GPC6: variants seen among roughly 807,000 people sequenced by gnomAD.
GPC6 encodes glypican-6.
In GPC6, 14 loss-of-function variants were observed where a neutral mutation model predicts 55.2. The observed-to-expected ratio is 0.25, with a 90% CI of 0.17 to 0.40. The LOEUF (loss-of-function observed/expected upper bound fraction) is 0.40, where lower values mean the gene tolerates loss of function less well. Among genes scored for constraint, GPC6 ranks in the 10% least tolerant of loss-of-function variants. The pLI is 1.00. For missense variants in GPC6, 641 were observed against 708.5 expected, an observed-to-expected ratio of 0.90 and a Z score of 1.08; for synonymous variants, 278 against 259.6, an observed-to-expected ratio of 1.07 and a Z score of -0.68.
chr13:94,235,846 A>G (rs1890862151), intron 4 of GPC6, among the ~76,000 whole-genome samples: 1 of 152,186 alleles, frequency 6.6e-6, no homozygotes, highest in Non-Finnish European at 1.5e-5. Flanking sequence ...TGAGATGTTA[A>G]TAAGATCAGA....
In GPC6 at chr13:93,290,185, C is replaced by T. The variant is rs187593483; in HGVS notation, c.160+62569C>T. Among the ~76,000 whole-genome samples, 21 of 152,134 alleles carry T rather than the reference C, an allele frequency of 1.4e-4. No homozygotes were observed. The East Asian group carries it at 3.9e-3, about 28-fold the overall frequency. On this transcript the variant is annotated intron_variant, in intron 1 of 8. Transcript: ENST00000377047. ...ATTTGTCAGGTCATCTAGATGCTTG[C>T]CCCAATAAAGAATGTTTGCCTGTGA...
chr13:94,325,899 CT>C (rs1314230455), intron 6 of GPC6, among the ~76,000 whole-genome samples: 4 of 152,172 alleles, frequency 2.6e-5, no homozygotes, highest in Non-Finnish European at 5.9e-5. Context: ...CTTAGAAGCT[CT>C]GACCATGACC....
intron 3 of GPC6, among the ~76,000 whole-genome samples, chr13:93,977,740 A>G (rs1348360044): frequency 4.6e-5 from 7 of 152,106 alleles, no homozygotes; most frequent in Non-Finnish European, 1.0e-4. Context: ...CAGCATTGGT[A>G]CATATCTTTG....
At chr13:94,298,562 G>T (rs1381527880) in intron 5 of GPC6, among the ~76,000 whole-genome samples, 2 of 152,150 alleles carry the variant, frequency 1.3e-5, no homozygotes, top group African/African-American at 4.8e-5. Context: ...AGCACCCACG[G>T]CTCTGATAGC....
chr13:93,455,470 C>A (rs1009327256), intron 1 of GPC6, among the ~76,000 whole-genome samples: 2 of 151,898 alleles, frequency 1.3e-5, no homozygotes, highest in Admixed American at 1.3e-4. Context: ...GCAGTTTTTC[C>A]ATGTCACCTG....
intron 1 of GPC6, among the ~76,000 whole-genome samples, chr13:93,298,774 C>T (rs1010566226): frequency 1.3e-5 from 2 of 152,114 alleles, no homozygotes; most frequent in East Asian, 3.9e-4. Flanking sequence ...TCAAACCATC[C>T]CCTGCGTACT....
At chr13:93,674,602 C>T (rs375789604) in intron 2 of GPC6, among the ~76,000 whole-genome samples, 8 of 152,208 alleles carry the variant, frequency 5.3e-5, no homozygotes, top group East Asian at 1.9e-4. Context: ...TTTTCATTTC[C>T]GACTGTCAGC....
chr13:94,045,745 C>CA (rs541767325), intron 4 of GPC6, among the ~76,000 whole-genome samples: 21,831 of 116,022 alleles, frequency 0.19, 1,869 homozygotes, highest in South Asian at 0.3. Flanking sequence ...CATGGATTTT[C>CA]AAAAAAAAAA....
At position 93,574,128 on chromosome 13, in the gene GPC6, G is replaced by A. The variant is rs1040157613; in HGVS notation, c.319+28707G>A. Among the ~76,000 whole-genome samples, 5 of 152,082 alleles carry A rather than the reference G, an allele frequency of 3.3e-5. 1 individual carries two copies. The highest frequency in any genetic ancestry group is 2.1e-4 in the South Asian group (1 of 4,826). On this transcript the variant is annotated intron_variant, in intron 2 of 8. Coordinates refer to ENST00000377047, the MANE Select transcript of GPC6 (RefSeq NM_005708.5). Reference sequence around the variant, plus strand: ...TTTATTGAGATATAATTTGCATACCGTTAGAGGCTGAATTGTGTCTCCCAA... The same window carrying A: ...TTTATTGAGATATAATTTGCATACCATTAGAGGCTGAATTGTGTCTCCCAA...
At chr13:94,079,852 C>A (rs1015339265) in intron 4 of GPC6, among the ~76,000 whole-genome samples, 1 of 152,176 alleles carries the variant, frequency 6.6e-6, no homozygotes, top group South Asian at 2.1e-4. Context: ...TTTATCTTTA[C>A]TTCCCCAGCT....
chr13:94,248,904 A>G (rs1309707275), intron 4 of GPC6, among the ~76,000 whole-genome samples: 4 of 152,172 alleles, frequency 2.6e-5, no homozygotes, highest in African/African-American at 7.2e-5. Context: ...TTAAATGGCA[A>G]TTTACTAAGT....
chr13:93,988,290 G>T (rs1469510382), intron 3 of GPC6, among the ~76,000 whole-genome samples: 2 of 152,064 alleles, frequency 1.3e-5, no homozygotes, highest in African/African-American at 4.8e-5. Flanking sequence ...TCCTCCCCAT[G>T]GCCTGAAATC....
intron 2 of GPC6, among the ~76,000 whole-genome samples, chr13:93,599,070 T>C (rs1427254467): frequency 6.6e-6 from 1 of 152,166 alleles, no homozygotes; most frequent in Non-Finnish European, 1.5e-5. Flanking sequence ...CAAAGAATCA[T>C]CATGAGAACA....
In GPC6 at chr13:93,960,752, G is replaced by A. The variant is rs1879730134; in HGVS notation, c.712-66977G>A. Among the ~76,000 whole-genome samples, 7 of 151,290 alleles carry A rather than the reference G, an allele frequency of 4.6e-5. No homozygotes were observed. The South Asian group carries it at 1.5e-3, about 32-fold the overall frequency. ...ATGCTGAAGCCACTGCTGTATTCATGTGGATTATTTGACATCATGCAGAAA... is the reference window on the plus strand; with the variant it reads ...ATGCTGAAGCCACTGCTGTATTCATATGGATTATTTGACATCATGCAGAAA... On this transcript the variant is annotated intron_variant, in intron 3 of 8. Transcript: ENST00000377047.
intron 3 of GPC6, among the ~76,000 whole-genome samples, chr13:93,889,857 G>T (rs149349535): frequency 2.0e-5 from 3 of 152,014 alleles, no homozygotes; most frequent in African/African-American, 7.2e-5. Context: ...TTTATCTAAG[G>T]GTGATATGCA....
At chr13:93,954,452 G>A (rs942225661) in intron 3 of GPC6, among the ~76,000 whole-genome samples, 27 of 152,096 alleles carry the variant, frequency 1.8e-4, no homozygotes, top group Non-Finnish European at 8.8e-5. Flanking sequence ...GTAGCTGAGA[G>A]TAAATTAGTG....
At chr13:94,273,951 A>G (rs1317509151) in intron 4 of GPC6, among the ~76,000 whole-genome samples, 1 of 152,232 alleles carries the variant, frequency 6.6e-6, no homozygotes. Flanking sequence ...AAATTTAAAT[A>G]AAGAGTTATG....
In GPC6 at chr13:93,376,776, CTTT is replaced by C. The variant is rs58608553; in HGVS notation, c.160+149173_160+149175del. Among the ~76,000 whole-genome samples, 13 of 139,738 alleles carry C rather than the reference CTTT, an allele frequency of 9.3e-5. No individual in the cohort carries two copies. The East Asian group carries it at 1.1e-3, about 11-fold the overall frequency. The allele number at this position is 139,738 out of a possible 152,430, so 91.7% of individuals were successfully genotyped here. Reference sequence around the variant, plus strand: ...TTCTGTATTTACATATTCTTGCTCACTTTTTTTTTTTTTTTGTGAGCAGTCTCA... The same window carrying C: ...TTCTGTATTTACATATTCTTGCTCACTTTTTTTTTTTTGTGAGCAGTCTCA... On this transcript the variant is annotated intron_variant, in intron 1 of 8. Transcript: ENST00000377047.
intron 6 of GPC6, among the ~76,000 whole-genome samples, chr13:94,346,924 T>C (rs960999444): frequency 2.6e-5 from 4 of 152,118 alleles, no homozygotes; most frequent in African/African-American, 9.7e-5. Context: ...GCTTTGTCTC[T>C]CACTGCTCAA....
Sources: allele counts gnomAD v4.1 joint callset (sites outside exome capture counted in the v4.1 genomes callset), GRCh38; gene constraint gnomAD v4.1.1; transcripts MANE v1.5; gene names NCBI Gene and HGNC (gene_info 2026-07-23, HGNC 2026-07-21).